Variants in ARHGEF33 observed in about 807,000 individuals in gnomAD.
The protein encoded by ARHGEF33 is DH and coiled-coil domain-containing protein ENSP00000381780.
Under a neutral mutation model 101.9 loss-of-function variants are expected in ARHGEF33, and 72 were observed. That is an observed-to-expected ratio of 0.71 (90% CI 0.58 to 0.86). The LOEUF (loss-of-function observed/expected upper bound fraction) is 0.86. ARHGEF33 is among the 40% of genes least tolerant of loss of function. The probability of loss-of-function intolerance (pLI) is 0.00; values close to 1 mark genes in which losing one functional copy is unlikely to be tolerated. For missense variants in ARHGEF33, 1,169 were observed against 1,111.3 expected (o/e 1.05, Z -0.74); for synonymous variants, 499 against 442.5 (o/e 1.13, Z -1.60).
At chr2:38,945,753 A>G (rs545512868) in intron 10 of ARHGEF33, among the ~76,000 whole-genome samples, 13 of 152,216 alleles carry the variant, frequency 8.5e-5, no homozygotes, top group Non-Finnish European at 1.8e-4. Flanking sequence ...AGTCAGGGAA[A>G]AGAGAAAACT....
At chr2:38,909,949 C>T (rs1273995548) in intron 2 of ARHGEF33, among the ~76,000 whole-genome samples, 1 of 151,632 alleles carries the variant, frequency 6.6e-6, no homozygotes, top group East Asian at 1.9e-4. Flanking sequence ...TTTTTGTTTT[C>T]TGACATTTTA....
chr2:38,914,544 A>G (rs1666589620), intron 2 of ARHGEF33, among the ~76,000 whole-genome samples: 1 of 151,868 alleles, frequency 6.6e-6, no homozygotes, highest in African/African-American at 2.4e-5. Flanking sequence ...GCACACACCT[A>G]TAATCCCAGC....
rs1219349236 is a variant in ARHGEF33 at position 38,974,012 on chromosome 2, A to G, written c.*169A>G. The G allele has an allele frequency of 2.8e-6, 1 of 359,386 alleles. No homozygotes were observed. Among genetic ancestry groups the G allele is most frequent in the African/African-American group, 2.2e-5 (1 of 45,566 alleles). The allele number at this position is 359,386 out of a possible 1,614,324, so 22.3% of individuals were successfully genotyped here. A position where few individuals can be genotyped will look rare whatever the true frequency, so the allele number is the denominator to read the frequency against. On this transcript the variant is annotated 3_prime_UTR_variant, in exon 18 of 18. Transcript: ENST00000409978. ...TTACATATGAAACTAAACATACAAG[A>G]CATTGAAGAGATGAAGATTAGTTTC...
intron 1 of ARHGEF33, among the ~76,000 whole-genome samples, chr2:38,894,163 A>C (rs1195005029): frequency 6.6e-6 from 1 of 151,904 alleles, no homozygotes; most frequent in South Asian, 2.1e-4. Context: ...TACCAAAAAC[A>C]AAAAACAAAA....
At chr2:38,940,760 C>T (rs1303274305) in intron 9 of ARHGEF33, among the ~76,000 whole-genome samples, 1 of 152,196 alleles carries the variant, frequency 6.6e-6, no homozygotes, top group Non-Finnish European at 1.5e-5. Context: ...AATAAACGTA[C>T]AGCAAGCTAT....
chr2:38,921,604 G>C (rs926714438), intron 4 of ARHGEF33, among the ~76,000 whole-genome samples, 181 bp downstream of exon 4: 21 of 152,192 alleles, frequency 1.4e-4, no homozygotes, highest in Admixed American at 1.2e-3. Context: ...GTACTTTGGA[G>C]AGAACTGATT....
At chr2:38,904,021 A>G (rs551623273) in intron 2 of ARHGEF33, among the ~76,000 whole-genome samples, 2 of 152,350 alleles carry the variant, frequency 1.3e-5, no homozygotes, top group South Asian at 4.1e-4. Context: ...GTGGAAAAAA[A>G]TAGCCTCTTT....
intron 2 of ARHGEF33, among the ~76,000 whole-genome samples, chr2:38,915,079 T>C (rs941899120): frequency 6.6e-6 from 1 of 152,164 alleles, no homozygotes; most frequent in African/African-American, 2.4e-5. Context: ...CTTGAACTCC[T>C]GGCCTCAAGC....
rs148411668 is a variant in ARHGEF33 at position 38,890,615 on chromosome 2, G to A, written c.-159+629G>A. Among the ~76,000 whole-genome samples the A allele has an allele frequency of 3.0e-3, 454 of 152,250 alleles. 4 individuals are homozygous for A. The highest frequency in any genetic ancestry group is 0.01 in the Middle Eastern group (3 of 294). On this transcript the variant is annotated intron_variant, in intron 1 of 17. Coordinates refer to ENST00000409978, the MANE Select transcript of ARHGEF33 (RefSeq NM_001145451.5). ...AAACATTGTCTTAAGTGAGAATAGC[G>A]TTCTATTATAATTAGTATTGGAATT...
intron 7 of ARHGEF33, among the ~76,000 whole-genome samples, 171 bp from the exon 8 acceptor site, chr2:38,935,604 C>T (rs1342881304): frequency 6.6e-6 from 1 of 152,054 alleles, no homozygotes; most frequent in Non-Finnish European, 1.5e-5. Flanking sequence ...TATCTTTTTA[C>T]AGCTGAGAAA....
intron 11 of ARHGEF33, 23 bp downstream of exon 11, chr2:38,951,144 A>T (rs1667592849): frequency 6.5e-7 from 1 of 1,549,234 alleles, no homozygotes; most frequent in African/African-American, 1.4e-5. Context: ...CTGCCCCTCT[A>T]TACATTTTAC....
intron 2 of ARHGEF33, among the ~76,000 whole-genome samples, chr2:38,901,206 A>G (rs1666230134): frequency 6.6e-6 from 1 of 152,226 alleles, no homozygotes; most frequent in East Asian, 1.9e-4. Context: ...AGAAAGAAGC[A>G]TTCTTTCAAT....
At position 38,966,097 on chromosome 2, in the gene ARHGEF33, A is replaced by C; in HGVS notation, c.2435A>C (p.Asp812Ala). ...TSFSDQNPRQ[D>A]QKGGFRSSFR... ...TTCAGCGATCAAAATCCCAGGCAAG[A>C]CCAGAAGGGGGGCTTTCGCAGCTCC... is the stretch of plus-strand genomic sequence containing the variant. The change falls in exon 17 of 18, where the codon GAC becomes GCC. Residue 812 changes from aspartate (D) to alanine (A), a missense_variant. By Grantham distance (126) the Asp-to-Ala change is moderately radical (BLOSUM62 -2). Coordinates refer to ENST00000409978, the MANE Select transcript of ARHGEF33 (RefSeq NM_001145451.5). The C allele has an allele frequency of 6.4e-7, 1 of 1,551,724 alleles. No individual in the cohort carries two copies. Among genetic ancestry groups the C allele is most frequent in the Non-Finnish European group, 8.7e-7 (1 of 1,146,994 alleles).
rs141772148 is a variant in ARHGEF33, at chr2:38,956,141, G to A, written c.1222-758G>A. Among the ~76,000 whole-genome samples the A allele has an allele frequency of 1.6e-3, 247 of 152,186 alleles. 2 individuals are homozygous for A. In the East Asian group the frequency reaches 0.022, roughly 14 times the overall value. Reference sequence around the variant, plus strand: ...CAATTTACCCAAGTTAACACACCTAGTAGGTAAAAAAAACTAGGACTGAAA... The same window carrying A: ...CAATTTACCCAAGTTAACACACCTAATAGGTAAAAAAAACTAGGACTGAAA... On this transcript the variant is annotated intron_variant, in intron 13 of 17. Transcript: ENST00000409978.
chr2:38,930,171 T>C (rs1416992010), intron 6 of ARHGEF33, among the ~76,000 whole-genome samples: 1 of 152,206 alleles, frequency 6.6e-6, no homozygotes, highest in Non-Finnish European at 1.5e-5. Context: ...CATCAGTGAT[T>C]TTCTTTTTTT....
intron 4 of ARHGEF33, among the ~76,000 whole-genome samples, chr2:38,924,819 C>T (rs749559756): frequency 4.6e-5 from 7 of 151,916 alleles, no homozygotes; most frequent in South Asian, 2.1e-4. Context: ...CATCTTTGAC[C>T]CACAGGCATT....
intron 16 of ARHGEF33, 69 bp downstream of exon 16, chr2:38,960,717 G>C: frequency 8.3e-7 from 1 of 1,202,710 alleles, no homozygotes; most frequent in South Asian, 1.6e-5. Context: ...GAAGCATCCC[G>C]AGTTCTCCTA....
intron 15 of ARHGEF33, chr2:38,959,139 C>G (rs188584187): frequency 1.3e-5 from 2 of 152,220 alleles, no homozygotes; most frequent in Non-Finnish European, 2.9e-5. Flanking sequence ...TGATGGTACC[C>G]TATCCTAGTT....
In ARHGEF33 at chr2:38,931,064, G is replaced by T. The variant is rs115947822; in HGVS notation, c.363-45G>T. 13,705 of 1,472,952 alleles carry T rather than the reference G, an allele frequency of 9.3e-3. 86 individuals carry two copies. Among genetic ancestry groups the T allele is most frequent in the Non-Finnish European group, 0.011 (12,277 of 1,094,966 alleles). 91.2% of individuals were successfully genotyped at this position (1,472,952 alleles called of 1,614,324 possible). A position where few individuals can be genotyped will look rare whatever the true frequency, so the allele number is the denominator to read the frequency against. Reference sequence around the variant, plus strand: ...AACTGAATCTCCTCATAACCTATCAGATATTAAGAACCAGAATAGCCTTGT... The same window carrying T: ...AACTGAATCTCCTCATAACCTATCATATATTAAGAACCAGAATAGCCTTGT... On this transcript the variant is annotated intron_variant, in intron 6 of 17. Coordinates refer to ENST00000409978, the MANE Select transcript of ARHGEF33 (RefSeq NM_001145451.5).
Sources: gnomAD v4.1 joint callset for allele counts (sites outside exome capture counted in the v4.1 genomes callset) on GRCh38, gnomAD v4.1.1 for gene constraint, MANE v1.5 for transcripts, NCBI Gene and HGNC (gene_info 2026-07-23, HGNC 2026-07-21) for gene names.